KCNN2: variants seen among roughly 807,000 people sequenced by gnomAD.
KCNN2 encodes potassium calcium-activated channel subfamily N member 2.
KCNN2 carries 24 observed loss-of-function variants against 55.5 expected under a neutral mutation model. The observed-to-expected ratio is 0.43, with a 90% CI of 0.31 to 0.61. KCNN2 has a LOEUF of 0.61. Among genes scored for constraint, KCNN2 ranks in the 20% least tolerant of loss-of-function variants. KCNN2 has a pLI of 0.08. For missense variants in KCNN2, 754 were observed against 853.6 expected, an observed-to-expected ratio of 0.88 and a Z score of 1.45; for synonymous variants, 431 against 336.1, an observed-to-expected ratio of 1.28 and a Z score of -3.09.
intron 1 of KCNN2, among the ~76,000 whole-genome samples, chr5:114,110,344 A>T (rs1385310610): frequency 1.3e-5 from 2 of 152,050 alleles, no homozygotes; most frequent in Non-Finnish European, 2.9e-5. Flanking sequence ...GCTTAGAAAT[A>T]AGAAACATAG....
chr5:114,311,481 T>A (rs905613120), intron 2 of KCNN2, among the ~76,000 whole-genome samples: 3 of 152,192 alleles, frequency 2.0e-5, no homozygotes, highest in East Asian at 3.9e-4. Flanking sequence ...TATAGTTGGA[T>A]GAAATTATAA....
intron 2 of KCNN2, among the ~76,000 whole-genome samples, chr5:114,338,905 T>C (rs1268624844): frequency 6.6e-6 from 1 of 152,196 alleles, no homozygotes; most frequent in Non-Finnish European, 1.5e-5. Context: ...CTGAAGGATG[T>C]GTTCCAGCAA....
At chr5:114,234,481 C>T (rs139987849) in intron 2 of KCNN2, among the ~76,000 whole-genome samples, 1 of 152,206 alleles carries the variant, frequency 6.6e-6, no homozygotes, top group East Asian at 1.9e-4. Flanking sequence ...TTCTCAAGGG[C>T]CTTGTTATCC....
At chr5:114,159,060 G>A (rs998439363) in intron 1 of KCNN2, among the ~76,000 whole-genome samples, 1 of 152,166 alleles carries the variant, frequency 6.6e-6, no homozygotes, top group Non-Finnish European at 1.5e-5. Context: ...AGTGGTGAGA[G>A]AGGGCATCCT....
At chr5:114,100,372 T>C (rs1351554366) in intron 1 of KCNN2, among the ~76,000 whole-genome samples, 4 of 152,168 alleles carry the variant, frequency 2.6e-5, no homozygotes, top group African/African-American at 9.7e-5. Flanking sequence ...TATTAATTTG[T>C]TAAGTTTCTT....
chr5:114,314,005 C>T (rs549429333), intron 2 of KCNN2, among the ~76,000 whole-genome samples: 73 of 152,060 alleles, frequency 4.8e-4, no homozygotes, highest in South Asian at 1.9e-3. Flanking sequence ...GTTTCTTTTT[C>T]GGTTTGATCA....
In KCNN2 at chr5:114,096,717, A is replaced by G. The variant is rs149108954; in HGVS notation, c.-271+40217A>G. 3.7e-3 allele frequency among the ~76,000 whole-genome samples: 558 copies of G among 152,138 alleles called. 2 individuals carry two copies. The highest frequency in any genetic ancestry group is 0.013 in the African/African-American group (534 of 41,486). ...CTTCCCTGCATAACTTCTCTTCCCC[A>G]CAGGCTTCATTTCTCACTGGAAAGT... On this transcript the variant is annotated intron_variant, in intron 1 of 10. Transcript: ENST00000512097.
intron 2 of KCNN2, among the ~76,000 whole-genome samples, chr5:114,229,534 G>A (rs1246723751): frequency 6.6e-6 from 1 of 151,634 alleles, no homozygotes; most frequent in Non-Finnish European, 1.5e-5. Context: ...TTCTGTTTGT[G>A]ATTATTTGAT....
At chr5:114,182,225 T>G (rs1753254470) in intron 1 of KCNN2, among the ~76,000 whole-genome samples, 1 of 152,104 alleles carries the variant, frequency 6.6e-6, no homozygotes, top group South Asian at 2.1e-4. Flanking sequence ...ACTTCTGAGT[T>G]TCTCTACTTC....
In KCNN2 at chr5:114,460,852, A is replaced by ACAT. The variant is rs1286642287; in HGVS notation, c.1638-2194_1638-2192dup. 1.4e-4 allele frequency among the ~76,000 whole-genome samples: 22 copies of ACAT among 152,338 alleles called. No homozygotes were observed. In the South Asian group the frequency reaches 4.6e-3, roughly 32 times the overall value. On this transcript the variant is annotated intron_variant, in intron 3 of 7. Transcript: ENST00000673685. Reference sequence around the variant, plus strand: ...AGAGCCATTAGCTCTTAAGTGTATCACATCAGTGTATGAATTGTGCTAAGA... The same window carrying ACAT: ...AGAGCCATTAGCTCTTAAGTGTATCACATCATCAGTGTATGAATTGTGCTAAGA...
At chr5:114,193,635 TTTG>T (rs2112565232) in intron 1 of KCNN2, among the ~76,000 whole-genome samples, 1 of 152,286 alleles carries the variant, frequency 6.6e-6, no homozygotes, top group African/African-American at 2.4e-5. Context: ...GTCATTGATT[TTTG>T]TTTTTGTCTA....
chr5:114,277,889 G>C (rs547878215), intron 2 of KCNN2, among the ~76,000 whole-genome samples: 1 of 152,144 alleles, frequency 6.6e-6, no homozygotes, highest in African/African-American at 2.4e-5. Context: ...TGCTGTCGAG[G>C]AGTCGTTTTC....
chr5:114,196,314 A>G (rs1469932303), intron 1 of KCNN2, among the ~76,000 whole-genome samples: 1 of 151,970 alleles, frequency 6.6e-6, no homozygotes, highest in East Asian at 1.9e-4. Flanking sequence ...CATAAGGGAT[A>G]TTGTTCTATA....
chr5:114,298,883 T>G (rs2150021357), intron 2 of KCNN2, among the ~76,000 whole-genome samples: 1 of 152,282 alleles, frequency 6.6e-6, no homozygotes, highest in East Asian at 1.9e-4. Flanking sequence ...GGGGAATCTC[T>G]GTAACAGGCT....
At chr5:114,246,967 G>T (rs890293662) in intron 2 of KCNN2, among the ~76,000 whole-genome samples, 3 of 151,582 alleles carry the variant, frequency 2.0e-5, no homozygotes, top group Non-Finnish European at 2.9e-5. Flanking sequence ...TCTCTGATTT[G>T]TTACCTGGAA....
chr5:114,340,457 T>C (rs1160749702), intron 2 of KCNN2, among the ~76,000 whole-genome samples: 3 of 152,166 alleles, frequency 2.0e-5, no homozygotes, highest in African/African-American at 7.2e-5. Context: ...GACACACACA[T>C]TTCCTTTGGT....
chr5:114,463,304 T>G, intron 4 of KCNN2, 114 bp downstream of exon 4: 1 of 761,930 alleles, frequency 1.3e-6, no homozygotes, highest in Admixed American at 2.8e-5. Flanking sequence ...CAGCAGGAAA[T>G]CAGTATAAAT....
chr5:114,261,602 C>T (rs983026153), intron 2 of KCNN2, among the ~76,000 whole-genome samples: 7 of 152,166 alleles, frequency 4.6e-5, no homozygotes, highest in Admixed American at 1.3e-4. Flanking sequence ...ATGTTTGTAC[C>T]TATGGGTAGA....
intron 2 of KCNN2, among the ~76,000 whole-genome samples, chr5:114,317,963 G>A (rs1384690546): frequency 6.6e-6 from 1 of 152,150 alleles, no homozygotes; most frequent in Non-Finnish European, 1.5e-5. Flanking sequence ...GAGGGGGCAG[G>A]GATAATGAGC....
Sources: allele counts gnomAD v4.1 joint callset (sites outside exome capture counted in the v4.1 genomes callset), GRCh38; gene constraint gnomAD v4.1.1; transcripts MANE v1.5; gene names NCBI Gene and HGNC (gene_info 2026-07-23, HGNC 2026-07-21).